ALDH1L1: variants seen among roughly 807,000 people sequenced by gnomAD.
ALDH1L1 encodes the protein cytosolic 10-formyltetrahydrofolate dehydrogenase.
In ALDH1L1, 68 loss-of-function variants were observed where a neutral mutation model predicts 101.1. The ratio of observed to expected loss-of-function variants is 0.67; its 90% CI spans 0.55 to 0.82. ALDH1L1 has a LOEUF of 0.82. Ranked by LOEUF, ALDH1L1 falls within the 40% of genes least tolerant of loss-of-function variation. The probability of loss-of-function intolerance (pLI) is 0.00; values close to 1 mark genes in which losing one functional copy is unlikely to be tolerated. For missense variants in ALDH1L1, 1,087 were observed against 1,172.7 expected (o/e 0.93, Z 1.07); for synonymous variants, 486 against 470.8 (o/e 1.03, Z -0.42).
intron 9 of ALDH1L1, among the ~76,000 whole-genome samples, chr3:126,145,858 T>C (rs1000733046): frequency 2.0e-5 from 3 of 152,218 alleles, no homozygotes; most frequent in Non-Finnish European, 4.4e-5. Context: ...AAAGGACATA[T>C]ACTCTTAACT....
chr3:126,130,341 C>T (rs371111190), intron 13 of ALDH1L1, 48 bp from the exon 14 acceptor site: 12 of 1,514,492 alleles, frequency 7.9e-6, no homozygotes, highest in African/African-American at 2.8e-5. Context: ...GGTCCACACC[C>T]CTTCCCCTCT....
chr3:126,115,851 A>G (rs995060188), intron 17 of ALDH1L1, among the ~76,000 whole-genome samples: 1 of 150,246 alleles, frequency 6.7e-6, no homozygotes, highest in Non-Finnish European at 1.5e-5. Context: ...CTGGGATTAC[A>G]GGCATGAGCC....
rs9282694 is a variant in ALDH1L1, at chr3:126,136,791, A to G, written c.1317T>C (p.Ser439=). The G allele has an allele frequency of 1.8e-3, 2,797 of 1,586,486 alleles. 11 individuals are homozygous for G. Among genetic ancestry groups the G allele is most frequent in the Middle Eastern group, 7.6e-3 (46 of 6,028 alleles). ...EFVDAEGAKT[S]ETINPTDGSV... ...TTCCATCGGTGGGATTGATGGTCTCAGAGGTCTTGGCGCCCTCGGCATCCA... is the reference window on the plus strand; with the variant it reads ...TTCCATCGGTGGGATTGATGGTCTCGGAGGTCTTGGCGCCCTCGGCATCCA... The change falls in exon 11 of 23, where the codon TCT becomes TCC. Residue 439 remains serine (S), a synonymous_variant. Coordinates refer to ENST00000393434, the MANE Select transcript of ALDH1L1 (RefSeq NM_012190.4).
upstream of ALDH1L1, among the ~76,000 whole-genome samples, chr3:126,183,409 A>G (rs774203268): frequency 2.0e-5 from 3 of 152,162 alleles, no homozygotes; most frequent in African/African-American, 4.8e-5. Context: ...GACTCCCCCA[A>G]ATTCTGGGAG....
At chr3:126,162,523 AT>A (rs2081081265) in intron 1 of ALDH1L1, among the ~76,000 whole-genome samples, 1 of 151,902 alleles carries the variant, frequency 6.6e-6, no homozygotes, top group Non-Finnish European at 1.5e-5. Context: ...GGGTGGTTTT[AT>A]TCTTATTGAA....
chr3:126,137,318 C>A (rs2080467393), intron 10 of ALDH1L1, among the ~76,000 whole-genome samples: 1 of 152,206 alleles, frequency 6.6e-6, no homozygotes, highest in Non-Finnish European at 1.5e-5. Flanking sequence ...CCCAAGGACA[C>A]CCTTAGGTCC....
chr3:126,182,318 T>G (rs2081483449), upstream of ALDH1L1, among the ~76,000 whole-genome samples: 1 of 152,138 alleles, frequency 6.6e-6, no homozygotes, highest in Admixed American at 6.5e-5. Context: ...AGCTAATTTT[T>G]GTATTTTTAG....
intron 1 of ALDH1L1, among the ~76,000 whole-genome samples, chr3:126,169,084 CA>C (rs1228981090): frequency 1.4e-4 from 22 of 152,130 alleles, no homozygotes; most frequent in Admixed American, 2.6e-4. Context: ...GCAGAACTCA[CA>C]AAAAGCTAAA....
In ALDH1L1 at chr3:126,107,164, C is replaced by A. The variant is rs1559911565; in HGVS notation, c.2430G>T (p.Met810Ile). ...IAKEESFGPV[M>I]IISRFADGDL... ...ACCCATCAGCAAACCGAGAGATGAT[C>A]ATGACAGGCCCGAAGGACTCCTCCT... Residue 810 changes from methionine to isoleucine, a missense_variant, in exon 21 of 23, where the codon ATG becomes ATT. Coordinates refer to ENST00000393434, the MANE Select transcript of ALDH1L1 (RefSeq NM_012190.4). The A allele has an allele frequency of 6.2e-7, 1 of 1,614,174 alleles. No individual in the cohort carries two copies. Among genetic ancestry groups the A allele is most frequent in the East Asian group, 2.2e-5 (1 of 44,886 alleles).
chr3:126,134,391 C>G (rs768774070), intron 12 of ALDH1L1, among the ~76,000 whole-genome samples: 37 of 152,348 alleles, frequency 2.4e-4, no homozygotes, highest in Admixed American at 7.2e-4. Flanking sequence ...GTCCACCAAA[C>G]GCGCACGCAG....
In ALDH1L1 at chr3:126,150,511, C is replaced by A. The variant is rs143851048; in HGVS notation, c.879G>T (p.Gln293His). The A allele has an allele frequency of 7.6e-5, 118 of 1,551,388 alleles. No homozygotes were observed. In the African/African-American group the frequency reaches 1.5e-3, roughly 19 times the overall value. ...DDKMLLVKNI[Q>H]LEDGKMILAS... ...CCAGGATCATTTTGCCATCCTCCAG[C>A]TGAATATTCTTCACCAGCAGCTGCA... Residue 293 changes from glutamine to histidine, a missense_variant, in exon 8 of 23, where the codon CAG (glutamine) becomes CAT (histidine). Physicochemically the swap from Gln to His is conservative, Grantham distance 24. This residue lies in a region of ALDH1L1 where 645 missense variants were observed against 637.0 expected (regional missense o/e 1.01). Coordinates refer to ENST00000393434, the MANE Select transcript of ALDH1L1 (RefSeq NM_012190.4).
intron 16 of ALDH1L1, among the ~76,000 whole-genome samples, chr3:126,119,056 T>A (rs1464483395): frequency 6.6e-6 from 1 of 152,128 alleles, no homozygotes; most frequent in East Asian, 1.9e-4. Context: ...CCCTCCTAAT[T>A]CGACTCTTAC....
intron 1 of ALDH1L1, among the ~76,000 whole-genome samples, chr3:126,172,130 A>G (rs1344407885): frequency 6.6e-6 from 1 of 152,234 alleles, no homozygotes. Flanking sequence ...CTAAAAGCCT[A>G]TCTACCTCAG....
At chr3:126,180,725 G>C (rs1320735620), upstream of ALDH1L1, 11 of 1,402,990 alleles carry the variant, frequency 7.8e-6, no homozygotes, top group African/African-American at 1.2e-4. Context: ...CTCTCCGGGC[G>C]GGTCTATAAA....
intron 4 of ALDH1L1, 142 bp downstream of exon 4, chr3:126,157,201 C>T (rs1047916917): frequency 9.6e-7 from 1 of 1,043,366 alleles, no homozygotes; most frequent in African/African-American, 1.6e-5. Context: ...CCTCTGAAAC[C>T]TTGAAGTGAG....
At chr3:126,196,345 C>T (rs368431249) in intron 1 of ALDH1L1, among the ~76,000 whole-genome samples, 15 of 150,458 alleles carry the variant, frequency 1.0e-4, no homozygotes, top group Admixed American at 7.3e-4. Flanking sequence ...GGGATCTATC[C>T]ATTTCCAATG....
chr3:126,111,419 C>T (rs867157002), intron 19 of ALDH1L1, among the ~76,000 whole-genome samples: 2 of 152,240 alleles, frequency 1.3e-5, no homozygotes, highest in Non-Finnish European at 2.9e-5. Flanking sequence ...CCCGCTGCCC[C>T]GCTGCCCCTG....
intron 2 of ALDH1L1, 29 bp from the exon 3 acceptor site, chr3:126,158,668 C>T: frequency 6.2e-7 from 1 of 1,600,172 alleles, no homozygotes; most frequent in Non-Finnish European, 8.6e-7. Flanking sequence ...GAAACTGGCC[C>T]CTCTCCATAA....
chr3:126,127,516 G>A lies in ALDH1L1; in HGVS notation c.1695-1795C>T, dbSNP rs150212459. 6.0e-3 allele frequency among the ~76,000 whole-genome samples: 915 copies of A among 152,174 alleles called. 9 individuals are homozygous for A. Among genetic ancestry groups the A allele is most frequent in the African/African-American group, 0.021 (863 of 41,510 alleles). Reference sequence around the variant, plus strand: ...GAGGGTGGAGTTCCTTCTCTCTCTCGGGAGCATGGAGCCTGGGCAGGGGAC... The same window carrying A: ...GAGGGTGGAGTTCCTTCTCTCTCTCAGGAGCATGGAGCCTGGGCAGGGGAC... On this transcript the variant is annotated intron_variant, in intron 14 of 22. Transcript: ENST00000393434.
Sources: gnomAD v4.1 joint callset for allele counts (sites outside exome capture counted in the v4.1 genomes callset) on GRCh38, gnomAD v4.1.1 for gene constraint, gnomAD v4.1.1 regional missense constraint, MANE v1.5 for transcripts, NCBI Gene and HGNC (gene_info 2026-07-23, HGNC 2026-07-21) for gene names.